Variants in ALOX5 observed in about 807,000 individuals in gnomAD.
The protein encoded by ALOX5 is arachidonate 5-lipoxygenase, also known as polyunsaturated fatty acid 5-lipoxygenase.
Under a neutral mutation model 87.9 loss-of-function variants are expected in ALOX5, and 64 were observed. The observed-to-expected ratio is 0.73, with a 90% CI of 0.60 to 0.90. ALOX5 has a LOEUF of 0.90. Ranked by LOEUF, ALOX5 falls within the 40% of genes least tolerant of loss-of-function variation. The pLI, the probability that ALOX5 is intolerant of heterozygous loss-of-function variation, is 0.00. For synonymous variants in ALOX5, 388 were observed against 355.1 expected (o/e 1.09, Z -1.04); for missense variants, 822 against 907.5 (o/e 0.91, Z 1.21).
At chr10:45,394,180 C>A (rs1840410791) in intron 2 of ALOX5, among the ~76,000 whole-genome samples, 1 of 152,214 alleles carries the variant, frequency 6.6e-6, no homozygotes, top group African/African-American at 2.4e-5. Context: ...AAGCTGGAGG[C>A]ATCATGCTAC....
Position 45,442,009 on chromosome 10 carries a change from C to T in ALOX5, c.1272+579C>T, listed in dbSNP as rs148641686. On this transcript the variant is annotated intron_variant, in intron 9 of 13. Transcript: ENST00000374391. ...CTCCTTTCCCCAGCCCATTAGTGAC[C>T]AGGCCAGATGACCACTGAAGTTGAG... Among the ~76,000 whole-genome samples the T allele has an allele frequency of 7.9e-5, 12 of 152,284 alleles. No individual in the cohort carries two copies. The East Asian group carries it at 1.2e-3, about 15-fold the overall frequency.
chr10:45,402,423 G>T (rs1840734658), intron 3 of ALOX5, among the ~76,000 whole-genome samples: 1 of 152,156 alleles, frequency 6.6e-6, no homozygotes, highest in Non-Finnish European at 1.5e-5. Context: ...GGAGGGCTCG[G>T]CTGATGGGTG....
At chr10:45,388,120 A>G (rs1026095275) in intron 2 of ALOX5, among the ~76,000 whole-genome samples, 16 of 152,216 alleles carry the variant, frequency 1.1e-4, no homozygotes, top group African/African-American at 3.9e-4. Flanking sequence ...CTTAGCAAAC[A>G]GCATACCAGG....
chr10:45,445,825 G>T lies in ALOX5; in HGVS notation c.*138G>T. The T allele has an allele frequency of 1.1e-6, 1 of 938,614 alleles. No homozygotes were observed. Among genetic ancestry groups the T allele is most frequent in the Non-Finnish European group, 1.6e-6 (1 of 629,386 alleles). 58.1% of individuals were successfully genotyped at this position (938,614 alleles called of 1,614,324 possible). A position where few individuals can be genotyped will look rare whatever the true frequency, so the allele number is the denominator to read the frequency against. The stretch of plus-strand genomic sequence containing the variant: ...GCCAGTACCTTTCCATTTATTCTTT[G>T]ATCTTCAGGGAACTGCATAGATTGA... On this transcript the variant is annotated 3_prime_UTR_variant, in exon 14 of 14. Transcript: ENST00000374391.
At chr10:45,418,188 C>T (rs969150484) in intron 4 of ALOX5, among the ~76,000 whole-genome samples, 1 of 152,064 alleles carries the variant, frequency 6.6e-6, no homozygotes, top group Non-Finnish European at 1.5e-5. Flanking sequence ...AGAGGTGTCC[C>T]TGTATTTGAG....
rs17522720 is a variant in ALOX5, at chr10:45,405,510, G to A, written c.432-6681G>A. Reference sequence around the variant, plus strand: ...CTCTTTCTATATCAGGATAGTATCCGTTTGTTACATATGTATAGCATTTAT... The same window carrying A: ...CTCTTTCTATATCAGGATAGTATCCATTTGTTACATATGTATAGCATTTAT... On this transcript the variant is annotated intron_variant, in intron 3 of 13. Transcript: ENST00000374391. Among the ~76,000 whole-genome samples, 941 of 152,066 alleles carry A rather than the reference G, an allele frequency of 6.2e-3. 4 individuals are homozygous for A. The highest frequency in any genetic ancestry group is 7.6e-3 in the Non-Finnish European group (518 of 67,982).
Position 45,412,230 on chromosome 10 carries a change from T to A in ALOX5, c.471T>A (p.Asp157Glu), listed in dbSNP as rs1383858514. 3 of 1,614,168 alleles carry A rather than the reference T, an allele frequency of 1.9e-6. No homozygotes were observed. Among genetic ancestry groups the A allele is most frequent in the South Asian group, 1.1e-5 (1 of 91,082 alleles). The change falls in exon 4 of 14, where the codon GAT (aspartate) becomes GAA (glutamate). Residue 157 changes from aspartate (D) to glutamate (E), a missense_variant. By Grantham distance (45) the Asp-to-Glu change is conservative (BLOSUM62 2). Transcript: ENST00000374391. ...EWNPGFPLSI[D>E]AKCHKDLPRD... ...ACCCTGGCTTCCCCTTGAGCATCGA[T>A]GCCAAATGCCACAAGGATTTACCCC...
rs114620874 is a variant in ALOX5 at position 45,428,810 on chromosome 10, C to T, written c.981+46C>T. ...CCTTTCTGAGCAGCTCAGTCCTCTG[C>T]GATCCAGGGCTCCTGGGTGGCTCCA... On this transcript the variant is annotated intron_variant, in intron 7 of 13. Coordinates refer to ENST00000374391, the MANE Select transcript of ALOX5 (RefSeq NM_000698.5). The T allele has an allele frequency of 4.4e-4, 712 of 1,604,032 alleles. 1 individual carries two copies. In the African/African-American group the frequency reaches 8.1e-3, roughly 18 times the overall value.
At chr10:45,442,791 T>C (rs2242332) in intron 9 of ALOX5, 354,763 of 517,548 alleles carry the variant, frequency 0.69, 122,324 homozygotes, top group Admixed American at 0.75. Flanking sequence ...CCCTTCCCTC[T>C]TGTACTCTGC....
At chr10:45,444,020 G>A (rs1842345407) in intron 12 of ALOX5, 96 bp from the exon 13 acceptor site, 3 of 1,452,964 alleles carry the variant, frequency 2.1e-6, no homozygotes, top group South Asian at 1.4e-5. Flanking sequence ...TGCAGGGCCC[G>A]CTGGAGTTGG....
chr10:45,431,812 T>C (rs1841911000), intron 7 of ALOX5, among the ~76,000 whole-genome samples: 1 of 152,096 alleles, frequency 6.6e-6, no homozygotes, highest in Admixed American at 6.5e-5. Flanking sequence ...GACCTTGTGA[T>C]TTGCCTGCCT....
At chr10:45,422,468 C>T (rs1331300223) in intron 4 of ALOX5, among the ~76,000 whole-genome samples, 2 of 152,178 alleles carry the variant, frequency 1.3e-5, no homozygotes, top group Non-Finnish European at 2.9e-5. Context: ...GGAAGGGGAG[C>T]CACTGGAGGA....
intron 3 of ALOX5, among the ~76,000 whole-genome samples, chr10:45,399,981 C>A (rs1350020024): frequency 2.0e-5 from 3 of 152,088 alleles, no homozygotes; most frequent in Admixed American, 2.0e-4. Context: ...ATAAAAAAGA[C>A]AGATAGTAAC....
At chr10:45,431,150 A>G (rs778579103) in intron 7 of ALOX5, among the ~76,000 whole-genome samples, 1 of 152,244 alleles carries the variant, frequency 6.6e-6, no homozygotes, top group African/African-American at 2.4e-5. Flanking sequence ...ATTTAATAAC[A>G]TTTAATAGCC....
chr10:45,424,156 G>C lies in ALOX5; in HGVS notation c.661+9G>C, dbSNP rs751434862. ...CAGCAACACTATTTCTGGTGAGTGT[G>C]CCTCTGGGGGCCCAAGTGGTGCTGG... is the stretch of plus-strand genomic sequence containing the variant. On this transcript the variant is annotated intron_variant, in intron 5 of 13. Transcript: ENST00000374391. 3.1e-6 allele frequency: 5 copies of C among 1,602,476 alleles called. No individual in the cohort carries two copies. In the South Asian group the frequency reaches 5.5e-5, roughly 18 times the overall value.
intron 3 of ALOX5, among the ~76,000 whole-genome samples, chr10:45,401,943 C>T (rs1364658590): frequency 6.6e-6 from 1 of 151,924 alleles, no homozygotes; most frequent in Non-Finnish European, 1.5e-5. Flanking sequence ...AAAAATTAGC[C>T]GGGCGTGGTG....
intron 1 of ALOX5, among the ~76,000 whole-genome samples, chr10:45,378,429 C>T (rs1257693048): frequency 3.3e-5 from 5 of 152,196 alleles, no homozygotes; most frequent in Admixed American, 6.5e-5. Flanking sequence ...ATCACTCGCT[C>T]GGCCATTCCC....
intron 4 of ALOX5, among the ~76,000 whole-genome samples, chr10:45,418,947 G>C (rs1841399318): frequency 6.6e-6 from 1 of 152,226 alleles, no homozygotes; most frequent in Non-Finnish European, 1.5e-5. Context: ...TGGAAGAGGT[G>C]GGGGCGAGGG....
At chr10:45,406,023 C>T (rs192440980) in intron 3 of ALOX5, among the ~76,000 whole-genome samples, 45 of 152,288 alleles carry the variant, frequency 3.0e-4, no homozygotes, top group Admixed American at 1.2e-3. Context: ...ATGATACCCA[C>T]GGTACAAGCT....
Sources: allele counts gnomAD v4.1 joint callset (sites outside exome capture counted in the v4.1 genomes callset), GRCh38; gene constraint gnomAD v4.1.1; transcripts MANE v1.5; gene names NCBI Gene and HGNC (gene_info 2026-07-23, HGNC 2026-07-21).